Variants in SYT6 observed in about 807,000 individuals in gnomAD.
SYT6 encodes the protein synaptotagmin-6.
SYT6 carries 24 observed loss-of-function variants against 38.4 expected under a neutral mutation model. The ratio of observed to expected loss-of-function variants is 0.62; its 90% CI spans 0.45 to 0.88. SYT6 has a LOEUF of 0.88. SYT6 is among the 40% of genes least tolerant of loss of function. SYT6 has a pLI of 0.00. For missense variants in SYT6, 611 were observed against 621.0 expected (o/e 0.98, Z 0.17); for synonymous variants, 265 against 241.9 (o/e 1.10, Z -0.89).
intron 3 of SYT6, among the ~76,000 whole-genome samples, chr1:114,133,954 G>C (rs1425298263): frequency 1.3e-5 from 2 of 151,816 alleles, no homozygotes; most frequent in Non-Finnish European, 2.9e-5. Flanking sequence ...TCAGGCTTTG[G>C]TACTTCAAGT....
In SYT6 at chr1:114,151,932, T is replaced by G. The variant is rs1358819223; in HGVS notation, c.163+1678A>C. 3.9e-5 allele frequency among the ~76,000 whole-genome samples: 6 copies of G among 152,170 alleles called. No individual in the cohort carries two copies. In the East Asian group the frequency reaches 1.2e-3, roughly 29 times the overall value. On this transcript the variant is annotated intron_variant, in intron 1 of 7. Transcript: ENST00000610222. ...TGTACCACCCTCTAAAAGTTCTTTA[T>G]GTCTAACCTCAGTCCCTTCTGCTGC...
intron 1 of SYT6, among the ~76,000 whole-genome samples, chr1:114,146,235 G>C (rs1210583994): frequency 6.6e-6 from 1 of 152,202 alleles, no homozygotes; most frequent in African/African-American, 2.4e-5. Flanking sequence ...AGGCAGCAGG[G>C]AGGAGGTGAC....
intron 3 of SYT6, among the ~76,000 whole-genome samples, chr1:114,119,952 T>C (rs968154391): frequency 4.0e-5 from 6 of 151,624 alleles, no homozygotes; most frequent in African/African-American, 9.7e-5. Flanking sequence ...GCACCTGTAG[T>C]CCCAGCTACT....
chr1:114,148,585 GGCCCAGGA>G (rs1489118006), intron 1 of SYT6, among the ~76,000 whole-genome samples: 1 of 152,206 alleles, frequency 6.6e-6, no homozygotes, highest in Non-Finnish European at 1.5e-5. Flanking sequence ...GTGACGCAGA[GGCCCAGGA>G]GCTTGGAAGA....
At chr1:114,133,052 T>C (rs967121674) in intron 3 of SYT6, among the ~76,000 whole-genome samples, 13 of 152,086 alleles carry the variant, frequency 8.5e-5, no homozygotes, top group African/African-American at 3.1e-4. Context: ...CCTCCCTGCA[T>C]ACCCTCAGTC....
At chr1:114,152,604 TGGTGCAGCAGGTAAATACCCTGGGCCG>T (rs1679502724) in intron 1 of SYT6, 1 of 152,160 alleles carries the variant, frequency 6.6e-6, no homozygotes, top group South Asian at 2.1e-4. Context: ...TGCCGGGCAC[TGGTGCAGCAGGTAAATACCCTGGGCCG>T]GCCGCCACGT....
intron 3 of SYT6, among the ~76,000 whole-genome samples, chr1:114,125,531 A>G (rs1677672181): frequency 6.6e-6 from 1 of 152,094 alleles, no homozygotes. Flanking sequence ...AAATGTGGCT[A>G]CAGTGGATGG....
At chr1:114,143,574 G>GTGTGTA (rs572184359) in intron 1 of SYT6, among the ~76,000 whole-genome samples, 4,946 of 150,092 alleles carry the variant, frequency 0.033, 155 homozygotes, top group South Asian at 0.083. Flanking sequence ...GTGTGTGTGT[G>GTGTGTA]TATATATATA....
At chr1:114,102,173 C>G (rs1324233796) in intron 4 of SYT6, among the ~76,000 whole-genome samples, 2 of 152,132 alleles carry the variant, frequency 1.3e-5, no homozygotes, top group African/African-American at 2.4e-5. Context: ...CCCTCAGCAG[C>G]CTTGAGAGTC....
chr1:114,125,946 A>T (rs1007141978), intron 3 of SYT6, among the ~76,000 whole-genome samples: 1 of 152,122 alleles, frequency 6.6e-6, no homozygotes, highest in Admixed American at 6.5e-5. Context: ...GCCCTTTGAC[A>T]TTTAATGCCT....
At chr1:114,152,070 C>T (rs1390241232) in intron 1 of SYT6, 1 of 152,364 alleles carries the variant, frequency 6.6e-6, no homozygotes, top group Admixed American at 6.5e-5. Context: ...ACAGCCCCCT[C>T]ACACACACAA....
chr1:114,095,118 C>T (rs1353842727), intron 6 of SYT6, among the ~76,000 whole-genome samples: 1 of 152,000 alleles, frequency 6.6e-6, no homozygotes, highest in Non-Finnish European at 1.5e-5. Flanking sequence ...CAGGATCGTG[C>T]GTGGGGGAGG....
intron 3 of SYT6, among the ~76,000 whole-genome samples, chr1:114,112,238 C>T (rs940425117): frequency 3.9e-5 from 6 of 152,196 alleles, no homozygotes; most frequent in Admixed American, 3.3e-4. Flanking sequence ...AGCGGGCACC[C>T]CCAAGCCGGT....
intron 3 of SYT6, among the ~76,000 whole-genome samples, chr1:114,135,993 C>CCGCCCTGTCTGCT (rs1678456854): frequency 6.6e-6 from 1 of 152,188 alleles, no homozygotes; most frequent in East Asian, 1.9e-4. Context: ...CTGTTCCAAT[C>CCGCCCTGTCTGCT]CGCCCTGTCT....
intron 3 of SYT6, among the ~76,000 whole-genome samples, chr1:114,114,010 A>G (rs1019974052): frequency 1.3e-5 from 2 of 152,042 alleles, no homozygotes; most frequent in African/African-American, 4.8e-5. Context: ...TTCCTGCCCC[A>G]TGACTTTGCA....
At chr1:114,114,895 A>G (rs1676903501) in intron 3 of SYT6, among the ~76,000 whole-genome samples, 2 of 152,218 alleles carry the variant, frequency 1.3e-5, no homozygotes, top group South Asian at 4.1e-4. Flanking sequence ...GATCGAAGCC[A>G]TGTGGGCTGC....
intron 1 of SYT6, among the ~76,000 whole-genome samples, chr1:114,140,198 C>T (rs972909199): frequency 2.0e-5 from 3 of 152,098 alleles, no homozygotes; most frequent in Admixed American, 1.3e-4. Flanking sequence ...CTTCCAGCAT[C>T]ATCCTCTCTC....
intron 3 of SYT6, among the ~76,000 whole-genome samples, chr1:114,113,702 T>A (rs577571363): frequency 6.6e-6 from 1 of 152,248 alleles, no homozygotes; most frequent in Non-Finnish European, 1.5e-5. Flanking sequence ...CCATCTCCAG[T>A]GCCACACGGA....
At chr1:114,123,726 C>G (rs1677554691) in intron 3 of SYT6, among the ~76,000 whole-genome samples, 1 of 152,216 alleles carries the variant, frequency 6.6e-6, no homozygotes, top group Admixed American at 6.5e-5. Context: ...CCATCACATC[C>G]CTGAAAGAGC....
Sources: allele counts gnomAD v4.1 joint callset (sites outside exome capture counted in the v4.1 genomes callset), GRCh38; gene constraint gnomAD v4.1.1; transcripts MANE v1.5; gene names NCBI Gene and HGNC (gene_info 2026-07-23, HGNC 2026-07-21).